CTNND2: variants seen among roughly 807,000 people sequenced by gnomAD.
CTNND2 encodes the protein catenin delta-2.
Under a neutral mutation model 144.4 loss-of-function variants are expected in CTNND2, and 22 were observed. The ratio of observed to expected loss-of-function variants is 0.15; its 90% CI spans 0.11 to 0.22. CTNND2 has a LOEUF of 0.22. Ranked by LOEUF, CTNND2 falls within the 10% of genes least tolerant of loss-of-function variation. The pLI, the probability that CTNND2 is intolerant of heterozygous loss-of-function variation, is 1.00. For missense variants in CTNND2, 1,353 were observed against 1,618.8 expected, an observed-to-expected ratio of 0.84 and a Z score of 2.82; for synonymous variants, 751 against 695.6, an observed-to-expected ratio of 1.08 and a Z score of -1.25.
At chr5:11,877,281 T>C (rs1735636803) in intron 1 of CTNND2, among the ~76,000 whole-genome samples, 2 of 152,140 alleles carry the variant, frequency 1.3e-5, no homozygotes, top group Non-Finnish European at 2.9e-5. Flanking sequence ...CCTAATTTCT[T>C]GAGATGAGTA....
At chr5:11,617,750 A>G (rs751947298) in intron 2 of CTNND2, among the ~76,000 whole-genome samples, 1 of 152,204 alleles carries the variant, frequency 6.6e-6, no homozygotes, top group African/African-American at 2.4e-5. Flanking sequence ...AAAGTTAAAC[A>G]AGCATCTTTA....
intron 3 of CTNND2, among the ~76,000 whole-genome samples, chr5:11,418,736 C>A (rs775365777): frequency 1.6e-4 from 24 of 152,130 alleles, no homozygotes; most frequent in Non-Finnish European, 2.8e-4. Flanking sequence ...AGAGTTTATT[C>A]TTTCCTTTTA....
At chr5:11,694,066 T>C (rs1785030826) in intron 2 of CTNND2, among the ~76,000 whole-genome samples, 1 of 152,210 alleles carries the variant, frequency 6.6e-6, no homozygotes, top group African/African-American at 2.4e-5. Flanking sequence ...TGCAGCTTTC[T>C]TGCACTTATA....
chr5:11,370,427 A>G (rs2149780917), intron 7 of CTNND2, among the ~76,000 whole-genome samples: 1 of 152,272 alleles, frequency 6.6e-6, no homozygotes, highest in Non-Finnish European at 1.5e-5. Context: ...AAGGAGAAAA[A>G]GAGGAGATGG....
intron 3 of CTNND2, among the ~76,000 whole-genome samples, chr5:11,466,624 T>G (rs1431192158): frequency 6.6e-6 from 1 of 152,194 alleles, no homozygotes; most frequent in East Asian, 1.9e-4. Context: ...TCCATTCTAT[T>G]TAAAGTACTT....
At chr5:11,736,739 G>T (rs959883989) in intron 1 of CTNND2, among the ~76,000 whole-genome samples, 1 of 152,136 alleles carries the variant, frequency 6.6e-6, no homozygotes, top group Non-Finnish European at 1.5e-5. Flanking sequence ...GGGAAGTATA[G>T]AGAAATAAAA....
intron 1 of CTNND2, among the ~76,000 whole-genome samples, chr5:11,889,865 C>G (rs941662020): frequency 6.6e-6 from 1 of 152,152 alleles, no homozygotes; most frequent in Non-Finnish European, 1.5e-5. Context: ...TGTTTTCAAC[C>G]TTTATCACTC....
intron 7 of CTNND2, among the ~76,000 whole-genome samples, chr5:11,382,636 T>A: frequency 6.7e-6 from 1 of 149,920 alleles, no homozygotes; most frequent in Non-Finnish European, 1.5e-5. Flanking sequence ...TGTGTGTGTG[T>A]GTGTGTGTGT....
At chr5:11,814,202 T>C (rs1400894875) in intron 1 of CTNND2, among the ~76,000 whole-genome samples, 1 of 152,256 alleles carries the variant, frequency 6.6e-6, no homozygotes, top group Non-Finnish European at 1.5e-5. Flanking sequence ...ATCATGCCAA[T>C]GTAGATTTTT....
intron 10 of CTNND2, among the ~76,000 whole-genome samples, chr5:11,222,660 G>A (rs1739917070): frequency 6.6e-6 from 1 of 152,134 alleles, no homozygotes; most frequent in Middle Eastern, 3.2e-3. Flanking sequence ...AAAAAAATTA[G>A]TATGGCATGG....
rs142141837 is a variant in CTNND2, at chr5:11,789,173, A to T, written c.38-56901T>A. ...AAGACAGTGTGGTGATTTCTCAAGG[A>T]TCTAGAACTAGAAATACCATTTGAC... On this transcript the variant is annotated intron_variant, in intron 1 of 21. Transcript: ENST00000304623. Among the ~76,000 whole-genome samples, 1,149 of 152,290 alleles carry T rather than the reference A, an allele frequency of 7.5e-3. 10 individuals carry two copies. Among genetic ancestry groups the T allele is most frequent in the Non-Finnish European group, 0.013 (864 of 68,028 alleles).
chr5:11,308,065 G>T (rs1750439513), intron 9 of CTNND2, among the ~76,000 whole-genome samples: 2 of 152,184 alleles, frequency 1.3e-5, no homozygotes, highest in Non-Finnish European at 2.9e-5. Flanking sequence ...CTGCTGTCTT[G>T]CTCTCAGACT....
chr5:11,244,580 C>T (rs375798000), intron 9 of CTNND2, among the ~76,000 whole-genome samples: 65 of 152,138 alleles, frequency 4.3e-4, no homozygotes, highest in Non-Finnish European at 7.5e-4. Flanking sequence ...CCACGGCGCC[C>T]GGCCTGTCCT....
chr5:11,422,606 G>A (rs778687517), intron 3 of CTNND2, among the ~76,000 whole-genome samples: 5 of 150,920 alleles, frequency 3.3e-5, no homozygotes, highest in African/African-American at 7.4e-5. Context: ...TCACGTCTGC[G>A]GGCCAGCCAG....
chr5:11,278,266 C>T (rs928992984), intron 9 of CTNND2, among the ~76,000 whole-genome samples: 2 of 152,194 alleles, frequency 1.3e-5, no homozygotes, highest in African/African-American at 4.8e-5. Context: ...TGCCCTTGAA[C>T]TATGTTTATC....
chr5:11,047,245 C>T (rs545836476), intron 16 of CTNND2, among the ~76,000 whole-genome samples: 1 of 152,348 alleles, frequency 6.6e-6, no homozygotes, highest in South Asian at 2.1e-4. Flanking sequence ...GTACACACCT[C>T]TGCCTGTCCA....
chr5:11,073,165 C>A (rs1248791232), intron 16 of CTNND2, among the ~76,000 whole-genome samples: 1 of 152,210 alleles, frequency 6.6e-6, no homozygotes. Context: ...TAATTTCTTT[C>A]CACCTGATTG....
intron 12 of CTNND2, among the ~76,000 whole-genome samples, chr5:11,149,628 C>A (rs1339332284): frequency 6.6e-6 from 1 of 152,114 alleles, no homozygotes; most frequent in African/African-American, 2.4e-5. Flanking sequence ...TGTATTTGTA[C>A]CTCTACGGAA....
At chr5:11,526,885 C>G (rs2150048891) in intron 3 of CTNND2, among the ~76,000 whole-genome samples, 1 of 130,252 alleles carries the variant, frequency 7.7e-6, no homozygotes, top group East Asian at 2.2e-4. Context: ...TCTGTCCATA[C>G]TGTGGAATAT....
Sources: allele counts gnomAD v4.1 joint callset (sites outside exome capture counted in the v4.1 genomes callset), GRCh38; gene constraint gnomAD v4.1.1; transcripts MANE v1.5; gene names NCBI Gene and HGNC (gene_info 2026-07-23, HGNC 2026-07-21).